The following IMMP2L variants were observed in gnomAD, a reference collection of about 807,000 sequenced individuals.
IMMP2L encodes the protein mitochondrial inner membrane protease subunit 2.
In IMMP2L, 18 loss-of-function variants were observed where a neutral mutation model predicts 19.3. The observed-to-expected ratio is 0.93, with a 90% CI of 0.64 to 1.38. IMMP2L has a LOEUF of 1.38. IMMP2L is among the 40% of genes most tolerant of loss of function. The pLI, the probability that IMMP2L is intolerant of heterozygous loss-of-function variation, is 0.00. For missense variants in IMMP2L, 233 were observed against 218.2 expected (o/e 1.07, Z -0.43); for synonymous variants, 76 against 73.0 (o/e 1.04, Z -0.21).
intron 5 of IMMP2L, among the ~76,000 whole-genome samples, chr7:110,844,592 A>G (rs1177395150): frequency 6.6e-6 from 1 of 151,836 alleles, no homozygotes. Flanking sequence ...GGGAGCTTTC[A>G]GATGTATTCA....
intron 3 of IMMP2L, among the ~76,000 whole-genome samples, chr7:111,150,029 A>T (rs2129602215): frequency 6.6e-6 from 1 of 152,212 alleles, no homozygotes; most frequent in East Asian, 1.9e-4. Context: ...TTTTTATTTT[A>T]TTTCCAGTAC....
intron 3 of IMMP2L, among the ~76,000 whole-genome samples, chr7:111,137,561 G>C (rs1445994226): frequency 6.6e-6 from 1 of 152,044 alleles, no homozygotes; most frequent in African/African-American, 2.4e-5. Context: ...AGCTTGATAA[G>C]CCAAGAAGCA....
intron 3 of IMMP2L, among the ~76,000 whole-genome samples, chr7:111,434,808 C>T (rs1253971047): frequency 6.6e-6 from 1 of 151,844 alleles, no homozygotes; most frequent in African/African-American, 2.4e-5. Context: ...CCCGCCTCGG[C>T]CTCCCAAAGT....
chr7:110,981,852 A>T lies in IMMP2L; in HGVS notation c.240-18287T>A, dbSNP rs372838691. On this transcript the variant is annotated intron_variant, in intron 3 of 5. Coordinates refer to ENST00000405709, the MANE Select transcript of IMMP2L (RefSeq NM_032549.4). ...ACAGAGACATGCCCAACACAAAAAAACAACACTTGCCACTTTCTCATTTCG... is the reference window on the plus strand; with the variant it reads ...ACAGAGACATGCCCAACACAAAAAATCAACACTTGCCACTTTCTCATTTCG... 1.6e-3 allele frequency among the ~76,000 whole-genome samples: 248 copies of T among 152,308 alleles called. 13 individuals are homozygous for T. The South Asian group carries it at 0.05, about 31-fold the overall frequency.
chr7:111,437,478 TCA>T (rs1218868210), intron 3 of IMMP2L, among the ~76,000 whole-genome samples: 1 of 151,878 alleles, frequency 6.6e-6, no homozygotes, highest in Non-Finnish European at 1.5e-5. Context: ...CCCACTGCTA[TCA>T]CAGTTTTTAA....
chr7:110,881,803 C>A (rs1809668759), intron 5 of IMMP2L, among the ~76,000 whole-genome samples: 1 of 148,070 alleles, frequency 6.8e-6, no homozygotes, highest in African/African-American at 2.6e-5. Flanking sequence ...AACCCATTAA[C>A]CACTCTAGGC....
chr7:111,354,075 T>C (rs1828455428), intron 3 of IMMP2L, among the ~76,000 whole-genome samples: 1 of 151,908 alleles, frequency 6.6e-6, no homozygotes, highest in Non-Finnish European at 1.5e-5. Context: ...AGCTTTATAT[T>C]TAGGAAAAAT....
chr7:111,030,790 A>G (rs887383873), intron 3 of IMMP2L, among the ~76,000 whole-genome samples: 1 of 62,352 alleles, frequency 1.6e-5, no homozygotes, highest in African/African-American at 8.9e-5. Context: ...AAGTATATAT[A>G]TGTGTATGTG....
rs1584633448 is a variant in IMMP2L, at chr7:110,728,942, C to T, written c.409-65221G>A. 6.6e-6 allele frequency among the ~76,000 whole-genome samples: 1 copy of T among 152,100 alleles called. No homozygotes were observed. Among genetic ancestry groups the T allele is most frequent in the East Asian group, 1.9e-4 (1 of 5,188 alleles). On this transcript the variant is annotated intron_variant, in intron 5 of 5. Coordinates refer to ENST00000405709, the MANE Select transcript of IMMP2L (RefSeq NM_032549.4). This position sits in a 1 kb window ranked among gnomAD's most constrained non-coding sequence, Gnocchi z 4.6. ...TTGTTTTGTTTTCACCCAGGCTGGACTGCAATGGCGCGATCTCAGCTCACA... is the reference window on the plus strand; with the variant it reads ...TTGTTTTGTTTTCACCCAGGCTGGATTGCAATGGCGCGATCTCAGCTCACA...
rs568526071 is a variant in IMMP2L at position 110,731,245 on chromosome 7, C to T, written c.409-67524G>A. On this transcript the variant is annotated intron_variant, in intron 5 of 5. Coordinates refer to ENST00000405709, the MANE Select transcript of IMMP2L (RefSeq NM_032549.4). ...TAGAGAAACCTATAAAATGTTAACA[C>T]TTATTATGTTTATAAGAAATCTTAC... Among the ~76,000 whole-genome samples the T allele has an allele frequency of 4.4e-3, 673 of 152,106 alleles. 2 individuals carry two copies. Among genetic ancestry groups the T allele is most frequent in the Non-Finnish European group, 6.5e-3 (440 of 68,006 alleles).
chr7:111,287,630 C>T (rs887263658), intron 3 of IMMP2L, among the ~76,000 whole-genome samples: 1 of 151,946 alleles, frequency 6.6e-6, no homozygotes, highest in African/African-American at 2.4e-5. Context: ...ATGGCTACGT[C>T]GGCTTGCTAG....
intron 3 of IMMP2L, among the ~76,000 whole-genome samples, chr7:111,242,016 G>C (rs964825932): frequency 6.6e-6 from 1 of 151,988 alleles, no homozygotes; most frequent in African/African-American, 2.4e-5. Flanking sequence ...ACCAATATGT[G>C]AAATAGGTTT....
intron 3 of IMMP2L, among the ~76,000 whole-genome samples, chr7:111,426,008 A>G (rs1836036911): frequency 6.6e-6 from 1 of 151,222 alleles, no homozygotes; most frequent in Non-Finnish European, 1.5e-5. Context: ...CGTGATATAC[A>G]TTAACTGCTA....
intron 3 of IMMP2L, among the ~76,000 whole-genome samples, chr7:111,034,347 A>G (rs1430563150): frequency 6.6e-6 from 1 of 152,136 alleles, no homozygotes; most frequent in African/African-American, 2.4e-5. Context: ...TAAGTATAAT[A>G]ATGGAGTTAT....
intron 3 of IMMP2L, among the ~76,000 whole-genome samples, chr7:111,265,286 T>C (rs1817709609): frequency 6.6e-6 from 1 of 152,200 alleles, no homozygotes; most frequent in African/African-American, 2.4e-5. Context: ...AAATGTATTC[T>C]ATTAAACACT....
intron 5 of IMMP2L, among the ~76,000 whole-genome samples, chr7:110,788,274 C>A (rs931974587): frequency 6.6e-6 from 1 of 152,016 alleles, no homozygotes; most frequent in Non-Finnish European, 1.5e-5. Flanking sequence ...AGCTTCACAA[C>A]AAGGAAGTAC....
intron 3 of IMMP2L, among the ~76,000 whole-genome samples, chr7:111,336,206 C>A (rs37641): frequency 1.5e-5 from 2 of 132,960 alleles, no homozygotes; most frequent in Non-Finnish European, 1.6e-5. Flanking sequence ...GCCGCCAGGC[C>A]GGCTATTTTT....
chr7:111,501,562 G>C (rs1208765247), intron 2 of IMMP2L, among the ~76,000 whole-genome samples: 1 of 152,116 alleles, frequency 6.6e-6, no homozygotes, highest in Non-Finnish European at 1.5e-5. Context: ...AATGTTAAGG[G>C]CAGCCAGAGA....
chr7:111,083,471 T>G (rs894337995), intron 3 of IMMP2L, among the ~76,000 whole-genome samples: 3 of 152,108 alleles, frequency 2.0e-5, no homozygotes, highest in Non-Finnish European at 4.4e-5. Context: ...TGGTTACACA[T>G]AAGCAAACAC....
Sources: allele counts gnomAD v4.1 joint callset (sites outside exome capture counted in the v4.1 genomes callset), GRCh38; gene constraint gnomAD v4.1.1; non-coding constraint Gnocchi (gnomAD v3.1); transcripts MANE v1.5; gene names NCBI Gene and HGNC (gene_info 2026-07-23, HGNC 2026-07-21).